Variants in SEC16B observed in about 807,000 individuals in gnomAD.
SEC16B encodes the protein SEC16 homolog B, endoplasmic reticulum export factor.
Under a neutral mutation model 141.8 loss-of-function variants are expected in SEC16B, and 115 were observed. The ratio of observed to expected loss-of-function variants is 0.81; its 90% CI spans 0.70 to 0.95. The LOEUF (loss-of-function observed/expected upper bound fraction) is 0.95. SEC16B is among the 40% of genes least tolerant of loss of function. The pLI is 0.00. For synonymous variants in SEC16B, 493 were observed against 492.5 expected (o/e 1.00, Z -0.01); for missense variants, 1,291 against 1,312.3 (o/e 0.98, Z 0.25).
intron 1 of SEC16B, among the ~76,000 whole-genome samples, chr1:177,969,428 C>T (rs1185880109): frequency 6.6e-6 from 1 of 152,188 alleles, no homozygotes; most frequent in African/African-American, 2.4e-5. Flanking sequence ...GGTGCAATGA[C>T]AGCCTTTGCC....
intron 13 of SEC16B, among the ~76,000 whole-genome samples, chr1:177,947,029 T>C (rs1480270267): frequency 6.6e-6 from 1 of 152,218 alleles, no homozygotes; most frequent in African/African-American, 2.4e-5. Context: ...TTAATTCAGC[T>C]AGATACAATA....
rs375881774 is a variant in SEC16B, at chr1:177,964,265, T to C, written c.548A>G (p.Asn183Ser). The C allele has an allele frequency of 4.0e-5, 65 of 1,612,574 alleles. No individual in the cohort carries two copies. The highest frequency in any genetic ancestry group is 5.3e-5 in the Non-Finnish European group (63 of 1,179,136). The change falls in exon 5 of 26, where the codon AAC (asparagine) becomes AGC (serine). Residue 183 changes from asparagine (N) to serine (S), a missense_variant. Transcript: ENST00000308284. ...SETHFQSNSR[N>S]PCKDSPASNS... ...GGAAGCAGGGCTGTCTTTACAAGGG[T>C]TCCTACTGTTAGATCTGCAGCAAAA...
intron 1 of SEC16B, among the ~76,000 whole-genome samples, chr1:177,980,800 A>T (rs2102031590): frequency 6.6e-6 from 1 of 152,140 alleles, no homozygotes; most frequent in African/African-American, 2.4e-5. Flanking sequence ...AAGAAAAAAA[A>T]AATCTGCCTC....
At chr1:177,940,832 TTAAC>T in intron 16 of SEC16B, 118 bp from the exon 17 acceptor site, 1 of 597,096 alleles carries the variant, frequency 1.7e-6, no homozygotes, top group South Asian at 2.5e-5. Flanking sequence ...AAAGAGAGCC[TTAAC>T]TAACTTGTAA....
intron 4 of SEC16B, among the ~76,000 whole-genome samples, chr1:177,964,846 C>T (rs1243678714): frequency 6.6e-6 from 1 of 152,218 alleles, no homozygotes; most frequent in Non-Finnish European, 1.5e-5. Context: ...AACAGACTGT[C>T]AGTGATAAGA....
intron 5 of SEC16B, among the ~76,000 whole-genome samples, chr1:177,962,340 G>A (rs1190323556): frequency 6.6e-6 from 1 of 151,898 alleles, no homozygotes; most frequent in Admixed American, 6.5e-5. Context: ...AAAGTGCTGG[G>A]ATTACAGGCG....
At chr1:177,957,922 T>G (rs1264153115) in intron 10 of SEC16B, among the ~76,000 whole-genome samples, 1 of 152,006 alleles carries the variant, frequency 6.6e-6, no homozygotes, top group Non-Finnish European at 1.5e-5. Flanking sequence ...GATGTTTGTT[T>G]TTCTGTACCT....
Position 177,932,736 on chromosome 1 carries a change from G to T in SEC16B, c.2894C>A (p.Pro965Gln). The T allele has an allele frequency of 6.2e-7, 1 of 1,608,830 alleles. No homozygotes were observed. Among genetic ancestry groups the T allele is most frequent in the Non-Finnish European group, 8.5e-7 (1 of 1,177,804 alleles). The change falls in exon 23 of 26, where the codon CCA becomes CAA. Residue 965 changes from proline to glutamine, a missense_variant. Pro to Gln is a moderately conservative substitution (Grantham distance 76, BLOSUM62 -1). This residue lies in a region of SEC16B where 605 missense variants were observed against 614.1 expected (regional missense o/e 0.99). Coordinates refer to ENST00000308284, the MANE Select transcript of SEC16B (RefSeq NM_033127.4). ...GLSLTPSPESPPLPDVSAFSR... is the reference protein window; with the variant it reads ...GLSLTPSPESQPLPDVSAFSR... Reference sequence around the variant, plus strand: ...GAAGGCACTAACATCCGGCAGAGGTGGGGACTCAGGGGAAGGTGTCAGTGA... The same window carrying T: ...GAAGGCACTAACATCCGGCAGAGGTTGGGACTCAGGGGAAGGTGTCAGTGA...
intron 1 of SEC16B, among the ~76,000 whole-genome samples, chr1:177,983,135 C>T (rs971701357): frequency 6.6e-6 from 1 of 152,214 alleles, no homozygotes; most frequent in Non-Finnish European, 1.5e-5. Flanking sequence ...GTGTGAGAAG[C>T]TGTTCAGCAA....
upstream of SEC16B, among the ~76,000 whole-genome samples, chr1:177,970,531 G>A (rs761732347): frequency 2.7e-4 from 41 of 152,326 alleles, no homozygotes; most frequent in Non-Finnish European, 5.4e-4. Flanking sequence ...ACATGGGGAA[G>A]GGGACACGCT....
chr1:177,929,843 G>A lies in SEC16B; in HGVS notation c.*15C>T. The A allele has an allele frequency of 6.2e-7, 1 of 1,613,578 alleles. No individual in the cohort carries two copies. The highest frequency in any genetic ancestry group is 8.5e-7 in the Non-Finnish European group (1 of 1,179,694). ...TTTCAGTCCTGGGAGATGAGCCTGG[G>A]ACGTGTGTTTATTCTCAGCATGGCT... On this transcript the variant is annotated 3_prime_UTR_variant, in exon 26 of 26. Coordinates refer to ENST00000308284, the MANE Select transcript of SEC16B (RefSeq NM_033127.4).
In SEC16B at chr1:177,929,770, A is replaced by G; in HGVS notation, c.*88T>C. 1 of 1,454,582 alleles carries G rather than the reference A, an allele frequency of 6.9e-7. No individual in the cohort carries two copies. Among genetic ancestry groups the G allele is most frequent in the Admixed American group, 1.9e-5 (1 of 52,576 alleles). 90.1% of individuals were successfully genotyped at this position (1,454,582 alleles called of 1,614,324 possible). A position where few individuals can be genotyped will look rare whatever the true frequency, so the allele number is the denominator to read the frequency against. Reference sequence around the variant, plus strand: ...CTAGCACAAACCTCTTGAGGGTCCCAATATGGTAGAGAGGGGCTGGGAGAT... The same window carrying G: ...CTAGCACAAACCTCTTGAGGGTCCCGATATGGTAGAGAGGGGCTGGGAGAT... On this transcript the variant is annotated 3_prime_UTR_variant, in exon 26 of 26. Transcript: ENST00000308284.
At chr1:177,960,737 G>A (rs900114019) in intron 7 of SEC16B, 54 bp downstream of exon 7, 6 of 1,528,562 alleles carry the variant, frequency 3.9e-6, no homozygotes, top group South Asian at 1.3e-5. Context: ...AGCATGTTAG[G>A]AGTAGTTGGG....
intron 25 of SEC16B, 128 bp downstream of exon 25, chr1:177,930,417 C>T: frequency 1.5e-6 from 1 of 648,384 alleles, no homozygotes. Context: ...GAAACTGAGA[C>T]TTGGAGAGGC....
rs749305640 is a variant in SEC16B at position 177,967,945 on chromosome 1, G to A, written c.37C>T (p.Arg13Ter). 3.8e-5 allele frequency: 62 copies of A among 1,612,926 alleles called. No individual in the cohort carries two copies. Among genetic ancestry groups the A allele is most frequent in the South Asian group, 1.2e-4 (11 of 91,030 alleles). The change falls in exon 2 of 26, where the codon CGA (arginine) becomes TGA (stop). Residue 13 changes from arginine to a stop codon, truncating the protein, a stop_gained. Transcript: ENST00000308284. LOFTEE classifies it high-confidence loss of function. Reference sequence around the variant, plus strand: ...TTTGAGGGTGCTGTGGCCTTCCCTCGTGTCTGGGGCAGCCTCTGGGGAGCC... The same window carrying A: ...TTTGAGGGTGCTGTGGCCTTCCCTCATGTCTGGGGCAGCCTCTGGGGAGCC... ...LWAPQRLPQT[R>*]GKATAPSKDP...
chr1:177,967,599 T>G, intron 2 of SEC16B, 84 bp downstream of exon 2: 3 of 1,354,302 alleles, frequency 2.2e-6, no homozygotes, highest in East Asian at 2.4e-5. Flanking sequence ...GGGAGAAAAA[T>G]AAAAGGAAAA....
At chr1:177,934,887 C>G (rs1650719085) in intron 20 of SEC16B, among the ~76,000 whole-genome samples, 1 of 152,090 alleles carries the variant, frequency 6.6e-6, no homozygotes, top group Admixed American at 6.5e-5. Flanking sequence ...TGGGAATGAT[C>G]CACCAGAATG....
intron 3 of SEC16B, among the ~76,000 whole-genome samples, 194 bp downstream of exon 3, chr1:177,965,699 C>T (rs998010309): frequency 1.3e-5 from 2 of 152,198 alleles, no homozygotes; most frequent in Non-Finnish European, 2.9e-5. Context: ...ATCATCTATG[C>T]ATACAAAGGA....
At chr1:177,946,117 CAA>C (rs1331016453) in intron 14 of SEC16B, 1 of 572,596 alleles carries the variant, frequency 1.7e-6, no homozygotes, top group Non-Finnish European at 3.1e-6. Flanking sequence ...TTTAAAGGAA[CAA>C]AGTTAGCTTG....
Sources: allele counts gnomAD v4.1 joint callset (sites outside exome capture counted in the v4.1 genomes callset), GRCh38; gene constraint gnomAD v4.1.1; regional missense constraint gnomAD v4.1.1; transcripts MANE v1.5; gene names NCBI Gene and HGNC (gene_info 2026-07-23, HGNC 2026-07-21).